The following PNKD variants were observed in gnomAD, a reference collection of about 807,000 sequenced individuals.
PNKD encodes PNKD metallo-beta-lactamase domain containing.
In PNKD, 36 loss-of-function variants were observed where a neutral mutation model predicts 45.3. The observed-to-expected ratio is 0.80, with a 90% CI of 0.61 to 1.05. The LOEUF (loss-of-function observed/expected upper bound fraction) is 1.05, where lower values mean the gene tolerates loss of function less well. Among genes scored for constraint, PNKD ranks in the 50% least tolerant of loss-of-function variants. PNKD has a pLI of 0.00. For synonymous variants in PNKD, 197 were observed against 210.1 expected, an observed-to-expected ratio of 0.94 and a Z score of 0.54; for missense variants, 511 against 506.6, an observed-to-expected ratio of 1.01 and a Z score of -0.08.
intron 2 of PNKD, among the ~76,000 whole-genome samples, chr2:218,304,833 G>C (rs916031279): frequency 2.6e-5 from 4 of 152,118 alleles, no homozygotes; most frequent in African/African-American, 9.7e-5. Flanking sequence ...CCAGCACTTT[G>C]GGAGGCTGAG....
chr2:218,340,003 C>T lies in PNKD; in HGVS notation c.353-26C>T, dbSNP rs201632828. Reference sequence around the variant, plus strand: ...CCCCTGGGCTCCCTGCCTGTTACCCCGCCCACAGCCCATCTCTGTCCCCAG... The same window carrying T: ...CCCCTGGGCTCCCTGCCTGTTACCCTGCCCACAGCCCATCTCTGTCCCCAG... On this transcript the variant is annotated intron_variant, in intron 3 of 9. Transcript: ENST00000273077. This position sits in a 1 kb window ranked among gnomAD's most constrained non-coding sequence, Gnocchi z 4.2. 3.9e-3 allele frequency: 5,964 copies of T among 1,547,212 alleles called. 29 individuals are homozygous for T. The highest frequency in any genetic ancestry group is 4.4e-3 in the Non-Finnish European group (4,941 of 1,118,978).
chr2:218,279,217 C>A, intron 2 of PNKD: 8 of 1,554,252 alleles, frequency 5.1e-6, no homozygotes, highest in Non-Finnish European at 7.0e-6. Context: ...GGCCCACCGC[C>A]ACCCACACCC....
intron 2 of PNKD, among the ~76,000 whole-genome samples, chr2:218,306,015 C>T (rs188123801): frequency 2.0e-5 from 3 of 152,220 alleles, no homozygotes; most frequent in Admixed American, 1.3e-4. Context: ...ATCACATCCC[C>T]GGGGGCATGG....
intron 2 of PNKD, among the ~76,000 whole-genome samples, chr2:218,315,121 CT>C (rs1399080198): frequency 0.01 from 1,201 of 116,162 alleles, 17 homozygotes; most frequent in African/African-American, 0.038. Flanking sequence ...TCCTTCCTTC[CT>C]TTCTTTCTTT....
chr2:218,276,178 G>A, intron 2 of PNKD: 14 of 1,319,264 alleles, frequency 1.1e-5, no homozygotes, highest in Non-Finnish European at 1.3e-5. Context: ...AGAGTGGGTA[G>A]AGCTGGGAAG....
At chr2:218,315,148 C>G (rs1693775486) in intron 2 of PNKD, among the ~76,000 whole-genome samples, 1 of 138,962 alleles carries the variant, frequency 7.2e-6, no homozygotes, top group Non-Finnish European at 1.5e-5. Context: ...TTTCTTTCTT[C>G]TTTCTTTCTT....
rs1199511718 is a variant in PNKD at position 218,340,998 on chromosome 2, AG to A, written c.524+215del. 2 of 608,606 alleles carry A rather than the reference AG, an allele frequency of 3.3e-6. No homozygotes were observed. The highest frequency in any genetic ancestry group is 5.6e-5 in the Admixed American group (2 of 35,570). 37.7% of individuals were successfully genotyped at this position (608,606 alleles called of 1,614,324 possible). On this transcript the variant is annotated intron_variant, in intron 5 of 9. Coordinates refer to ENST00000273077, the MANE Select transcript of PNKD (RefSeq NM_015488.5). The surrounding 1 kb of genome is among the most constrained non-coding windows in gnomAD (Gnocchi z 4.2). ...TCAAGCTTCTGAAGCCCCAGAGGGCAGGGCAGTCATTTCTCTTTCATTTCAT... is the reference window on the plus strand; with the variant it reads ...TCAAGCTTCTGAAGCCCCAGAGGGCAGGCAGTCATTTCTCTTTCATTTCAT...
At position 218,319,332 on chromosome 2, in the gene PNKD, T is replaced by A. The variant is rs1320243760; in HGVS notation, c.237-20451T>A. On this transcript the variant is annotated intron_variant, in intron 2 of 9. Transcript: ENST00000273077. ...ACTCTCAACCTCTGTACTGCAGACATTGGGGCCATTTGTCCTGGGGACTGT... is the reference window on the plus strand; with the variant it reads ...ACTCTCAACCTCTGTACTGCAGACAATGGGGCCATTTGTCCTGGGGACTGT... Among the ~76,000 whole-genome samples the A allele has an allele frequency of 2.6e-5, 4 of 151,536 alleles. No individual in the cohort carries two copies. In the South Asian group the frequency reaches 8.3e-4, roughly 32 times the overall value.
intron 2 of PNKD, chr2:218,334,566 T>G: frequency 1.7e-6 from 1 of 587,670 alleles, no homozygotes; most frequent in East Asian, 2.9e-5. Flanking sequence ...GGCGGGAGGA[T>G]CGCTTGAGCC....
At chr2:218,277,204 G>T in intron 2 of PNKD, 1 of 1,180,710 alleles carries the variant, frequency 8.5e-7, no homozygotes, top group Non-Finnish European at 1.3e-6. Flanking sequence ...GGGGGTATGG[G>T]AATGTCCACA....
At chr2:218,330,170 G>A (rs935680432) in intron 2 of PNKD, among the ~76,000 whole-genome samples, 4 of 152,200 alleles carry the variant, frequency 2.6e-5, no homozygotes, top group Non-Finnish European at 5.9e-5. Context: ...ATCATTCTGT[G>A]GGAGGCAGAG....
chr2:218,283,699 ATCTCT>A (rs1167986860), intron 2 of PNKD, among the ~76,000 whole-genome samples: 1 of 152,204 alleles, frequency 6.6e-6, no homozygotes, highest in Admixed American at 6.5e-5. Flanking sequence ...GGACTGTCTT[ATCTCT>A]TCTCTTTTAT....
Position 218,316,030 on chromosome 2 carries a change from A to C in PNKD, c.237-23753A>C, listed in dbSNP as rs1376970966. 3.3e-5 allele frequency among the ~76,000 whole-genome samples: 5 copies of C among 152,158 alleles called. 1 individual carries two copies. The highest frequency in any genetic ancestry group is 7.3e-5 in the Non-Finnish European group (5 of 68,034). On this transcript the variant is annotated intron_variant, in intron 2 of 9. Transcript: ENST00000273077. ...ATCCAGGTGGCTCCATGTGCCTTTC[A>C]TCTCCCTTAGACCAGCAACATCAGT...
chr2:218,301,717 G>A (rs1693279226), intron 2 of PNKD, among the ~76,000 whole-genome samples: 1 of 152,132 alleles, frequency 6.6e-6, no homozygotes, highest in South Asian at 2.1e-4. Flanking sequence ...ACCCCAGGAG[G>A]GTCAGGGCTG....
chr2:218,317,460 G>C (rs548462596), intron 2 of PNKD, among the ~76,000 whole-genome samples: 46 of 152,346 alleles, frequency 3.0e-4, no homozygotes, highest in African/African-American at 1.1e-3. Context: ...GAGAGTCTGG[G>C]CTGATCAGTG....
chr2:218,285,725 C>T (rs1007796692), intron 2 of PNKD: 1 of 152,640 alleles, frequency 6.6e-6, no homozygotes, highest in Non-Finnish European at 1.5e-5. Flanking sequence ...CCAGCATTAA[C>T]GCTAGCCAGG....
intron 2 of PNKD, among the ~76,000 whole-genome samples, chr2:218,316,201 T>C (rs1693807293): frequency 6.6e-6 from 1 of 152,128 alleles, no homozygotes; most frequent in African/African-American, 2.4e-5. Flanking sequence ...CTAGATTGTG[T>C]TGAGATAAAG....
chr2:218,290,688 G>T (rs910201308), intron 2 of PNKD, among the ~76,000 whole-genome samples: 2 of 152,214 alleles, frequency 1.3e-5, no homozygotes, highest in Non-Finnish European at 2.9e-5. Context: ...AGACAAAAGT[G>T]GGAGCTCATT....
Position 218,324,997 on chromosome 2 carries a change from C to CTTTTTTT in PNKD, c.237-14764_237-14758dup, listed in dbSNP as rs1167758595. ...AACATGAAGGTATCTAAATAATTTT[C>CTTTTTTT]TTTTTTTTTTTTTTTTTTTTTTTTT... On this transcript the variant is annotated intron_variant, in intron 2 of 9. Transcript: ENST00000273077. 1.2e-3 allele frequency among the ~76,000 whole-genome samples: 76 copies of CTTTTTTT among 62,680 alleles called. 24 individuals are homozygous for CTTTTTTT. Among genetic ancestry groups the CTTTTTTT allele is most frequent in the African/African-American group, 5.0e-3 (75 of 14,886 alleles). 41.1% of individuals were successfully genotyped at this position (62,680 alleles called of 152,430 possible). A position where few individuals can be genotyped will look rare whatever the true frequency, so the allele number is the denominator to read the frequency against.
Sources: gnomAD v4.1 joint callset for allele counts (sites outside exome capture counted in the v4.1 genomes callset) on GRCh38, gnomAD v4.1.1 for gene constraint, Gnocchi (gnomAD v3.1) non-coding constraint, MANE v1.5 for transcripts, NCBI Gene and HGNC (gene_info 2026-07-23, HGNC 2026-07-21) for gene names.